CYRIA: variants seen among roughly 807,000 people sequenced by gnomAD.
The protein encoded by CYRIA is CYFIP-related Rac1 interactor A.
In CYRIA, 15 loss-of-function variants were observed where a neutral mutation model predicts 43.9. The ratio of observed to expected loss-of-function variants is 0.34; its 90% confidence interval spans 0.23 to 0.53. CYRIA has a LOEUF of 0.53. Among genes scored for constraint, CYRIA ranks in the 20% least tolerant of loss-of-function variants. The pLI is 0.94. For synonymous variants in CYRIA, 117 were observed against 136.0 expected, an observed-to-expected ratio of 0.86 and a Z score of 0.97; for missense variants, 236 against 394.2, an observed-to-expected ratio of 0.60 and a Z score of 3.40.
At chr2:16,572,126 A>G (rs893215300) in intron 3 of CYRIA, among the ~76,000 whole-genome samples, 1 of 152,112 alleles carries the variant, frequency 6.6e-6, no homozygotes, top group African/African-American at 2.4e-5. Context: ...GGAGCAGTCC[A>G]AGGATGGCAT....
At chr2:16,599,687 G>A (rs555283149) in intron 2 of CYRIA, among the ~76,000 whole-genome samples, 6 of 151,064 alleles carry the variant, frequency 4.0e-5, no homozygotes, top group South Asian at 2.1e-4. Flanking sequence ...GAAATCACCC[G>A]TCTTCTGCGT....
intron 2 of CYRIA, among the ~76,000 whole-genome samples, chr2:16,607,950 C>T (rs779948530): frequency 2.0e-5 from 3 of 152,152 alleles, no homozygotes; most frequent in African/African-American, 4.8e-5. Flanking sequence ...CGCCTAAAGA[C>T]GGCCTATCGT....
chr2:16,593,969 T>C (rs1245632627), intron 2 of CYRIA, among the ~76,000 whole-genome samples: 2 of 101,664 alleles, frequency 2.0e-5, no homozygotes, highest in East Asian at 6.3e-4. Flanking sequence ...TGAGTGAGAA[T>C]ATGCGGTGTT....
chr2:16,614,522 A>AACGCTTTGCCTTTCACCCTCTGG (rs1668714786), intron 2 of CYRIA, among the ~76,000 whole-genome samples: 1 of 152,164 alleles, frequency 6.6e-6, no homozygotes, highest in Admixed American at 6.5e-5. Flanking sequence ...TCTACATTCG[A>AACGCTTTGCCTTTCACCCTCTGG]ACGCTTTGCC....
intron 1 of CYRIA, among the ~76,000 whole-genome samples, chr2:16,645,431 T>C (rs915250812): frequency 6.6e-5 from 10 of 152,222 alleles, no homozygotes; most frequent in African/African-American, 2.4e-4. Flanking sequence ...ATAGCCGCTG[T>C]GGAGTTTAAA....
In CYRIA at chr2:16,550,242, G is replaced by A. The variant is rs15653; in HGVS notation, c.*2694C>T. On this transcript the variant is annotated 3_prime_UTR_variant, in exon 12 of 12. Coordinates refer to ENST00000381323, the MANE Select transcript of CYRIA (RefSeq NM_030797.4). ...GCTAGCACTTTCCCCTAAACCACCCGTAAGTCTTGGACGCATGTGCATGCA... is the reference window on the plus strand; with the variant it reads ...GCTAGCACTTTCCCCTAAACCACCCATAAGTCTTGGACGCATGTGCATGCA... 64,520 of 150,540 alleles carry A rather than the reference G, an allele frequency of 0.43. 16,153 individuals carry two copies. The highest frequency in any genetic ancestry group is 0.73 in the East Asian group (3,715 of 5,102). The allele number at this position is 150,540 out of a possible 1,614,324, so 9.3% of individuals were successfully genotyped here.
In CYRIA at chr2:16,661,202, G is replaced by A. The variant is rs148839917; in HGVS notation, c.-167+4578C>T. Among the ~76,000 whole-genome samples the A allele has an allele frequency of 3.9e-5, 6 of 152,252 alleles. No homozygotes were observed. The East Asian group carries it at 1.2e-3, about 29-fold the overall frequency. The stretch of plus-strand genomic sequence containing the variant: ...GGGTGGGAGGATTACTTGAGCTGAG[G>A]AGGTTGAGGCTGCAGTGAGCCATGA... On this transcript the variant is annotated intron_variant, in intron 1 of 11. Coordinates refer to ENST00000381323, the MANE Select transcript of CYRIA (RefSeq NM_030797.4).
chr2:16,599,463 G>T (rs1668120104), intron 2 of CYRIA, among the ~76,000 whole-genome samples: 2 of 84,428 alleles, frequency 2.4e-5, no homozygotes, highest in South Asian at 4.6e-4. Flanking sequence ...GGTCTGAAAA[G>T]CGCAATATTC....
intron 3 of CYRIA, among the ~76,000 whole-genome samples, chr2:16,568,666 C>T (rs1199282453): frequency 6.6e-6 from 1 of 152,042 alleles, no homozygotes; most frequent in African/African-American, 2.4e-5. Context: ...AAATCATAAG[C>T]TAAACAAAGA....
chr2:16,594,086 C>A (rs376229905), intron 2 of CYRIA, among the ~76,000 whole-genome samples: 683 of 36,600 alleles, frequency 0.019, 24 homozygotes, highest in African/African-American at 0.07. Context: ...CATAGTATTC[C>A]ATGGTGTATA....
In CYRIA at chr2:16,561,250, C is replaced by T. The variant is rs1215764592; in HGVS notation, c.541G>A (p.Glu181Lys). Residue 181 changes from glutamate to lysine, a missense_variant, in exon 8 of 12, where the codon GAG becomes AAG. Transcript: ENST00000381323. Reference sequence around the variant, plus strand: ...AAGAGGGACATTCGATTGGCCATCTCATTATTGACTTCATTCTCAATGTCT... The same window carrying T: ...AAGAGGGACATTCGATTGGCCATCTTATTATTGACTTCATTCTCAATGTCT... ...HLDIENEVNN[E>K]MANRMSLFYA... is the part of the protein sequence containing the mutation. The T allele has an allele frequency of 6.2e-7, 1 of 1,613,356 alleles. No homozygotes were observed. The highest frequency in any genetic ancestry group is 8.5e-7 in the Non-Finnish European group (1 of 1,179,428).
Position 16,646,552 on chromosome 2 carries a change from G to A in CYRIA, c.-167+19228C>T, listed in dbSNP as rs563408755. Among the ~76,000 whole-genome samples, 4 of 152,264 alleles carry A rather than the reference G, an allele frequency of 2.6e-5. No homozygotes were observed. The East Asian group carries it at 7.7e-4, about 29-fold the overall frequency. On this transcript the variant is annotated intron_variant, in intron 1 of 11. Transcript: ENST00000381323. Reference sequence around the variant, plus strand: ...ACCAGAGAAGCCACGTGCAGTGTGGGAGCCTCCTTGTTGCGACTTGACATT... The same window carrying A: ...ACCAGAGAAGCCACGTGCAGTGTGGAAGCCTCCTTGTTGCGACTTGACATT...
At chr2:16,651,299 T>C (rs375678764) in intron 1 of CYRIA, among the ~76,000 whole-genome samples, 1 of 152,258 alleles carries the variant, frequency 6.6e-6, no homozygotes, top group Admixed American at 6.5e-5. Context: ...TGCCTTCTTA[T>C]ACTGTCATAT....
chr2:16,575,878 AAAATAAAT>A lies in CYRIA; in HGVS notation c.71-10119_71-10112del, dbSNP rs71297007. Among the ~76,000 whole-genome samples, 13 of 147,996 alleles carry A rather than the reference AAAATAAAT, an allele frequency of 8.8e-5. No individual in the cohort carries two copies. In the South Asian group the frequency reaches 1.1e-3, roughly 12 times the overall value. On this transcript the variant is annotated intron_variant, in intron 3 of 11. Transcript: ENST00000381323. ...CTCAAAAAAATAAAAATAAATAAAT[AAAATAAAT>A]AAATAAATAAATAAATAAATAAAGA...
intron 1 of CYRIA, among the ~76,000 whole-genome samples, chr2:16,642,880 T>C (rs1194171081): frequency 1.3e-5 from 2 of 152,242 alleles, no homozygotes; most frequent in Admixed American, 1.3e-4. Context: ...TGCAATGGCC[T>C]TCCCTGCAAC....
At chr2:16,580,639 A>T (rs1387807801) in intron 3 of CYRIA, among the ~76,000 whole-genome samples, 1 of 152,152 alleles carries the variant, frequency 6.6e-6, no homozygotes, top group Non-Finnish European at 1.5e-5. Context: ...GAAACTAAGG[A>T]CTAATTAGAA....
At chr2:16,636,264 AC>A (rs1176679598) in intron 1 of CYRIA, among the ~76,000 whole-genome samples, 1 of 152,166 alleles carries the variant, frequency 6.6e-6, no homozygotes, top group African/African-American at 2.4e-5. Context: ...TCTGAATCTG[AC>A]CATAAACCAT....
intron 2 of CYRIA, among the ~76,000 whole-genome samples, chr2:16,590,205 G>T (rs73918385): frequency 0.11 from 16,708 of 151,760 alleles, 965 homozygotes; most frequent in Middle Eastern, 0.16. Flanking sequence ...AGATATTTTT[G>T]AGCAAAATCC....
At chr2:16,576,481 A>G (rs1356514860) in intron 3 of CYRIA, among the ~76,000 whole-genome samples, 1 of 152,182 alleles carries the variant, frequency 6.6e-6, no homozygotes. Flanking sequence ...CGTCGAAGCT[A>G]TTATTTCACC....
Sources: allele counts gnomAD v4.1 joint callset (sites outside exome capture counted in the v4.1 genomes callset), GRCh38; gene constraint gnomAD v4.1.1; transcripts MANE v1.5; gene names NCBI Gene and HGNC (gene_info 2026-07-23, HGNC 2026-07-21).